The following TTC19 variants were observed in gnomAD, a reference collection of about 807,000 sequenced individuals.
TTC19 encodes the protein tetratricopeptide repeat domain 19, also known as tetratricopeptide repeat protein 19, mitochondrial.
TTC19 carries 38 observed loss-of-function variants against 49.5 expected under a neutral mutation model. That is an observed-to-expected ratio of 0.77 (90% confidence interval 0.59 to 1.01). The LOEUF (loss-of-function observed/expected upper bound fraction) is 1.01. Among genes scored for constraint, TTC19 ranks in the 50% least tolerant of loss-of-function variants. The pLI is 0.00. For synonymous variants in TTC19, 204 were observed against 185.2 expected (o/e 1.10, Z -0.83); for missense variants, 475 against 477.7 (o/e 0.99, Z 0.05).
chr17:16,033,180 A>T (rs909700222), downstream of TTC19, among the ~76,000 whole-genome samples: 2 of 151,922 alleles, frequency 1.3e-5, no homozygotes, highest in African/African-American at 2.4e-5. Context: ...ACCCCATCTT[A>T]CAAAATTAGC....
At chr17:16,029,605 G>C, downstream of TTC19, 1 of 180,176 alleles carries the variant, frequency 5.6e-6, no homozygotes. Context: ...TATAGTGTCA[G>C]AACACTGAAA....
chr17:16,010,767 C>T (rs548975695), intron 7 of TTC19, among the ~76,000 whole-genome samples: 31 of 152,280 alleles, frequency 2.0e-4, no homozygotes, highest in African/African-American at 5.1e-4. Context: ...CCACTGTGCC[C>T]GGCCCCTATT....
downstream of TTC19, chr17:16,032,101 GT>G (rs1197934874): frequency 2.1e-5 from 12 of 566,758 alleles, no homozygotes; most frequent in Non-Finnish European, 3.5e-5. Context: ...ATCAAAGGCA[GT>G]TTTTTGTTTG....
intron 7 of TTC19, among the ~76,000 whole-genome samples, chr17:16,013,539 G>A (rs931647744): frequency 3.3e-5 from 5 of 151,920 alleles, no homozygotes; most frequent in Non-Finnish European, 5.9e-5. Flanking sequence ...AGTATATCTG[G>A]TATTTTGGTG....
At chr17:16,014,785 CAG>C (rs976675089) in intron 7 of TTC19, among the ~76,000 whole-genome samples, 23 of 152,130 alleles carry the variant, frequency 1.5e-4, no homozygotes, top group South Asian at 8.3e-4. Flanking sequence ...TGTTTCCTTC[CAG>C]AGAGTTATAC....
intron 6 of TTC19, among the ~76,000 whole-genome samples, chr17:16,004,551 GT>G (rs1220977624): frequency 1.3e-5 from 2 of 152,184 alleles, no homozygotes; most frequent in African/African-American, 4.8e-5. Context: ...TAGAACTTTA[GT>G]TTAACTTTTC....
At position 16,035,022 on chromosome 17, in the gene TTC19, C is replaced by T. The variant is rs1973933158; in HGVS notation, c.247+8320C>T. 78 of 1,369,812 alleles carry T rather than the reference C, an allele frequency of 5.7e-5. 1 individual carries two copies. The Middle Eastern group carries it at 1.3e-3, about 22-fold the overall frequency. The allele number at this position is 1,369,812 out of a possible 1,614,324, so 84.9% of individuals were successfully genotyped here. A position where few individuals can be genotyped will look rare whatever the true frequency, so the allele number is the denominator to read the frequency against. On this transcript the variant is annotated intron_variant, in intron 2 of 2. Coordinates refer to the TTC19 transcript ENST00000470649. ...CCAAAATGCTAATGATTATATATTG[C>T]TAAATGAAAAAAAAGCAGAATGGTA...
In TTC19 at chr17:16,001,136, C is replaced by T. The variant is rs190912638; in HGVS notation, c.313-779C>T. Among the ~76,000 whole-genome samples the T allele has an allele frequency of 1.0e-3, 155 of 152,026 alleles. 3 individuals carry two copies. The highest frequency in any genetic ancestry group is 8.1e-3 in the Admixed American group (123 of 15,270). Reference sequence around the variant, plus strand: ...TTGCAATCTATTCTCCATGCAGAAACCAAAGCGACCAAAAAAAAAAAGAGT... The same window carrying T: ...TTGCAATCTATTCTCCATGCAGAAATCAAAGCGACCAAAAAAAAAAAGAGT... On this transcript the variant is annotated intron_variant, in intron 2 of 9. Coordinates refer to ENST00000261647, the MANE Select transcript of TTC19 (RefSeq NM_017775.4).
chr17:16,024,879 TG>T, intron 7 of TTC19, 137 bp from the exon 8 acceptor site: 1 of 787,800 alleles, frequency 1.3e-6, no homozygotes, highest in Admixed American at 1.9e-5. Context: ...CCAGCTAGTC[TG>T]GAATAGGTCA....
chr17:16,022,470 G>C (rs557493898), intron 7 of TTC19, among the ~76,000 whole-genome samples: 1 of 152,258 alleles, frequency 6.6e-6, no homozygotes, highest in South Asian at 2.1e-4. Flanking sequence ...GAAATTTCAG[G>C]ATATTCTTGG....
downstream of TTC19, chr17:16,032,122 C>T: frequency 1.6e-6 from 1 of 637,416 alleles, no homozygotes; most frequent in East Asian, 3.3e-5. Context: ...GTTTTTTTCC[C>T]ATTTGACTCT....
chr17:16,023,060 G>A (rs557314629), intron 7 of TTC19, among the ~76,000 whole-genome samples: 15 of 152,146 alleles, frequency 9.9e-5, no homozygotes, highest in African/African-American at 3.4e-4. Context: ...AACTCTTTGG[G>A]GGAACTTTAT....
intron 7 of TTC19, among the ~76,000 whole-genome samples, chr17:16,019,099 G>A (rs1324989307): frequency 6.6e-6 from 1 of 152,126 alleles, no homozygotes; most frequent in Non-Finnish European, 1.5e-5. Flanking sequence ...TTGAGAAGCC[G>A]GGACAGGTGG....
chr17:16,028,923 A>G lies in TTC19; in HGVS notation c.*1401A>G, dbSNP rs1315461069. 3 of 424,346 alleles carry G rather than the reference A, an allele frequency of 7.1e-6. No homozygotes were observed. The highest frequency in any genetic ancestry group is 2.1e-5 in the African/African-American group (1 of 47,780). The allele number at this position is 424,346 out of a possible 1,614,324, so 26.3% of individuals were successfully genotyped here. ...GATTAGACTAAAACTAGAGTTTTGTATGTTGCAGATGTAAATTTCTTCCTA... is the reference window on the plus strand; with the variant it reads ...GATTAGACTAAAACTAGAGTTTTGTGTGTTGCAGATGTAAATTTCTTCCTA... On this transcript the variant is annotated 3_prime_UTR_variant, in exon 10 of 10. Coordinates refer to ENST00000261647, the MANE Select transcript of TTC19 (RefSeq NM_017775.4).
chr17:16,002,019 T>C lies in TTC19; in HGVS notation c.417T>C (p.Tyr139=), dbSNP rs766780467. Residue 139 remains tyrosine, a synonymous_variant, in exon 3 of 10, where the codon TAT becomes TAC. Coordinates refer to ENST00000261647, the MANE Select transcript of TTC19 (RefSeq NM_017775.4). The stretch of plus-strand genomic sequence containing the variant: ...ACAAGAAGGCCATCACTTACACTTA[T>C]GATTTGGTAACTCTTATAACCAGTC... ...TDNKKAITYT[Y]DLMANLAFIR... 6.8e-6 allele frequency: 11 copies of C among 1,610,172 alleles called. No individual in the cohort carries two copies. Among genetic ancestry groups the C allele is most frequent in the Non-Finnish European group, 8.5e-6 (10 of 1,178,434 alleles).
At chr17:16,007,440 GTTTT>G (rs1970945019) in intron 7 of TTC19, among the ~76,000 whole-genome samples, 1 of 66,012 alleles carries the variant, frequency 1.5e-5, no homozygotes, top group Non-Finnish European at 6.2e-5. Context: ...TCAGCATACA[GTTTT>G]TTGTTTTTTG....
In TTC19 at chr17:16,020,606, T is replaced by A. The variant is rs578165520; in HGVS notation, c.677-4411T>A. Reference sequence around the variant, plus strand: ...GGGGTGCTAATGTTTAAATCTGTAATTATAACTATTTTTAGTTTCATTATA... The same window carrying A: ...GGGGTGCTAATGTTTAAATCTGTAAATATAACTATTTTTAGTTTCATTATA... On this transcript the variant is annotated intron_variant, in intron 7 of 9. Transcript: ENST00000261647. 2.8e-3 allele frequency among the ~76,000 whole-genome samples: 429 copies of A among 152,300 alleles called. 3 individuals are homozygous for A. The highest frequency in any genetic ancestry group is 9.5e-3 in the African/African-American group (396 of 41,544).
intron 2 of TTC19, among the ~76,000 whole-genome samples, chr17:16,035,125 A>C (rs1244466006): frequency 1.3e-5 from 2 of 152,228 alleles, no homozygotes; most frequent in African/African-American, 4.8e-5. Flanking sequence ...GGGTTTAGTA[A>C]GTCACAATTA....
intron 2 of TTC19, among the ~76,000 whole-genome samples, chr17:16,044,194 A>G (rs1477924916): frequency 6.6e-6 from 1 of 150,828 alleles, no homozygotes; most frequent in Non-Finnish European, 1.5e-5. Flanking sequence ...AAAAAGAAAG[A>G]AAGAAAGGCT....
Sources: allele counts gnomAD v4.1 joint callset (sites outside exome capture counted in the v4.1 genomes callset), GRCh38; gene constraint gnomAD v4.1.1; transcripts MANE v1.5; gene names NCBI Gene and HGNC (gene_info 2026-07-23, HGNC 2026-07-21).